Variants in TMEM132C observed in about 807,000 individuals in gnomAD.
The protein encoded by TMEM132C is protein phosphatase 1, regulatory subunit 152.
Under a neutral mutation model 61.4 loss-of-function variants are expected in TMEM132C, and 29 were observed. That is an observed-to-expected ratio of 0.47 (90% CI 0.35 to 0.64). The LOEUF (loss-of-function observed/expected upper bound fraction) is 0.64. TMEM132C is among the 30% of genes least tolerant of loss of function. The pLI is 0.00. For missense variants in TMEM132C, 1,408 were observed against 1,476.9 expected (o/e 0.95, Z 0.76); for synonymous variants, 656 against 633.1 (o/e 1.04, Z -0.54).
intron 3 of TMEM132C, among the ~76,000 whole-genome samples, chr12:128,589,788 A>C (rs752170288): frequency 8.6e-5 from 13 of 152,014 alleles, no homozygotes; most frequent in Non-Finnish European, 1.9e-4. Flanking sequence ...TCAGCAGTGC[A>C]GCCTTGGGCA....
At chr12:128,671,820 C>A (rs1954535291) in intron 5 of TMEM132C, among the ~76,000 whole-genome samples, 1 of 152,082 alleles carries the variant, frequency 6.6e-6, no homozygotes, top group African/African-American at 2.4e-5. Context: ...CAAGAAAGGG[C>A]TTTTTTCCCT....
At chr12:128,633,813 A>G (rs1954080609) in intron 4 of TMEM132C, among the ~76,000 whole-genome samples, 1 of 152,182 alleles carries the variant, frequency 6.6e-6, no homozygotes, top group Admixed American at 6.5e-5. Flanking sequence ...CTTTTCATCT[A>G]GATTATTCTT....
chr12:128,568,747 G>A (rs368359258), intron 3 of TMEM132C, among the ~76,000 whole-genome samples: 7 of 152,072 alleles, frequency 4.6e-5, no homozygotes, highest in African/African-American at 1.4e-4. Flanking sequence ...TGAGGTGGAC[G>A]CACAAAACAG....
chr12:128,706,174 C>T lies in TMEM132C; in HGVS notation c.3206C>T (p.Pro1069Leu). The T allele has an allele frequency of 6.4e-7, 1 of 1,550,878 alleles. No individual in the cohort carries two copies. The highest frequency in any genetic ancestry group is 2.0e-5 in the Admixed American group (1 of 50,918). Reference protein sequence around the residue: ...FTTIPPDDSCPTVNSIVSSND... With the variant: ...FTTIPPDDSCLTVNSIVSSND... ...ACCATCCCCCCGGACGACAGCTGCCCCACGGTGAACTCCATCGTCAGCAGC... is the reference window on the plus strand; with the variant it reads ...ACCATCCCCCCGGACGACAGCTGCCTCACGGTGAACTCCATCGTCAGCAGC... Residue 1069 changes from proline to leucine, a missense_variant, in exon 9 of 9, where the codon CCC becomes CTC. By Grantham distance (98) the Pro-to-Leu change is moderately conservative. Transcript: ENST00000435159.
rs146417999 is a variant in TMEM132C, at chr12:128,542,943, G to A, written c.975-1014G>A. On this transcript the variant is annotated intron_variant, in intron 2 of 8. Coordinates refer to ENST00000435159, the MANE Select transcript of TMEM132C (RefSeq NM_001136103.3). ...GAGCCACTGTGCCCAACTGTCTTAT[G>A]CCTTTTAAAACAGTCCCTTTGCTCT... Among the ~76,000 whole-genome samples the A allele has an allele frequency of 9.9e-4, 149 of 151,218 alleles. 2 individuals carry two copies. Among genetic ancestry groups the A allele is most frequent in the African/African-American group, 3.5e-3 (146 of 41,184 alleles).
At chr12:128,455,835 G>A (rs1870322060) in intron 2 of TMEM132C, among the ~76,000 whole-genome samples, 1 of 152,172 alleles carries the variant, frequency 6.6e-6, no homozygotes, top group African/African-American at 2.4e-5. Flanking sequence ...CCCGGGGGTA[G>A]ATTGGCTCCT....
intron 2 of TMEM132C, among the ~76,000 whole-genome samples, chr12:128,489,706 G>A (rs562731445): frequency 2.0e-5 from 3 of 151,930 alleles, no homozygotes; most frequent in Admixed American, 2.0e-4. Flanking sequence ...ATACATGTGG[G>A]AATATAGATA....
chr12:128,610,245 G>A (rs983063740), intron 3 of TMEM132C, among the ~76,000 whole-genome samples: 1 of 152,204 alleles, frequency 6.6e-6, no homozygotes, highest in Non-Finnish European at 1.5e-5. Flanking sequence ...TGAGAAGGCT[G>A]ATTTTCTTTA....
chr12:128,309,942 G>A (rs1367012652), intron 1 of TMEM132C, among the ~76,000 whole-genome samples: 1 of 152,058 alleles, frequency 6.6e-6, no homozygotes, highest in African/African-American at 2.4e-5. Flanking sequence ...CACCATGTTT[G>A]CCAGGCTGGT....
chr12:128,491,240 A>G (rs1180467424), intron 2 of TMEM132C, among the ~76,000 whole-genome samples: 2 of 152,246 alleles, frequency 1.3e-5, no homozygotes, highest in South Asian at 2.1e-4. Flanking sequence ...AAGGGGTCAG[A>G]TGAATTTCAC....
rs1301284625 is a variant in TMEM132C at position 128,326,099 on chromosome 12, T to G, written c.85+58612T>G. Reference sequence around the variant, plus strand: ...ATGAATGAATGCATGCATTCATGTTTCTTCAAAGATAAATATCACTTCTGT... The same window carrying G: ...ATGAATGAATGCATGCATTCATGTTGCTTCAAAGATAAATATCACTTCTGT... On this transcript the variant is annotated intron_variant, in intron 1 of 8. Coordinates refer to ENST00000435159, the MANE Select transcript of TMEM132C (RefSeq NM_001136103.3). This position sits in a 1 kb window ranked among gnomAD's most constrained non-coding sequence, Gnocchi z 5.6. 1.3e-5 allele frequency among the ~76,000 whole-genome samples: 2 copies of G among 152,202 alleles called. No homozygotes were observed. Among genetic ancestry groups the G allele is most frequent in the African/African-American group, 4.8e-5 (2 of 41,448 alleles).
intron 1 of TMEM132C, among the ~76,000 whole-genome samples, chr12:128,367,689 G>T (rs535915255): frequency 6.6e-6 from 1 of 151,510 alleles, no homozygotes; most frequent in East Asian, 1.9e-4. Context: ...TCCAAACTGC[G>T]ATGAGCTGTA....
intron 2 of TMEM132C, among the ~76,000 whole-genome samples, chr12:128,467,571 A>G (rs962630883): frequency 3.9e-5 from 6 of 152,208 alleles, no homozygotes; most frequent in African/African-American, 7.2e-5. Context: ...AATTGGAACA[A>G]TTCTGCTCCA....
chr12:128,479,006 C>T (rs1004149854), intron 2 of TMEM132C, among the ~76,000 whole-genome samples: 1 of 152,222 alleles, frequency 6.6e-6, no homozygotes, highest in Admixed American at 6.5e-5. Flanking sequence ...CCAGGATCTA[C>T]ATACATGTAG....
At chr12:128,554,011 A>G (rs527541580) in intron 3 of TMEM132C, among the ~76,000 whole-genome samples, 1 of 152,166 alleles carries the variant, frequency 6.6e-6, no homozygotes, top group Admixed American at 6.5e-5. Flanking sequence ...TTTAACCTCA[A>G]AACTTCTAAA....
chr12:128,281,658 G>A (rs1468404793), intron 1 of TMEM132C, among the ~76,000 whole-genome samples: 1 of 152,190 alleles, frequency 6.6e-6, no homozygotes, highest in South Asian at 2.1e-4. Context: ...TTCCATGGGG[G>A]GCTGACTAGT....
intron 2 of TMEM132C, among the ~76,000 whole-genome samples, chr12:128,432,843 C>G (rs1340706710): frequency 6.6e-6 from 1 of 152,064 alleles, no homozygotes. Flanking sequence ...GCATCGCGTA[C>G]TACAGAGAAG....
chr12:128,308,937 C>T (rs1165682042), intron 1 of TMEM132C, among the ~76,000 whole-genome samples: 5 of 152,130 alleles, frequency 3.3e-5, no homozygotes, highest in South Asian at 2.1e-4. Context: ...TGATGGAAAG[C>T]GTTTTCTTCC....
intron 5 of TMEM132C, among the ~76,000 whole-genome samples, chr12:128,671,826 T>C (rs1039145284): frequency 2.0e-5 from 3 of 152,140 alleles, no homozygotes; most frequent in Admixed American, 6.6e-5. Context: ...AGGGCTTTTT[T>C]CCCTAATTTA....
Sources: gnomAD v4.1 joint callset for allele counts (sites outside exome capture counted in the v4.1 genomes callset) on GRCh38, gnomAD v4.1.1 for gene constraint, Gnocchi (gnomAD v3.1) non-coding constraint, MANE v1.5 for transcripts, NCBI Gene and HGNC (gene_info 2026-07-23, HGNC 2026-07-21) for gene names.